Variants in ST3GAL6 observed in about 807,000 individuals in gnomAD.
ST3GAL6 encodes type 2 lactosamine alpha-2,3-sialyltransferase.
ST3GAL6 carries 31 observed loss-of-function variants against 40.5 expected under a neutral mutation model. That is an observed-to-expected ratio of 0.77 (90% confidence interval 0.58 to 1.03). ST3GAL6 has a LOEUF of 1.03. Among genes scored for constraint, ST3GAL6 ranks in the 50% least tolerant of loss-of-function variants. The pLI, the probability that ST3GAL6 is intolerant of heterozygous loss-of-function variation, is 0.00. For synonymous variants in ST3GAL6, 129 were observed against 136.9 expected (o/e 0.94, Z 0.40); for missense variants, 357 against 393.2 (o/e 0.91, Z 0.78).
chr3:98,761,374 G>A (rs1221656342), upstream of ST3GAL6, among the ~76,000 whole-genome samples: 1 of 152,142 alleles, frequency 6.6e-6, no homozygotes, highest in African/African-American at 2.4e-5. Flanking sequence ...TTGGGAGGCC[G>A]AGGTGGGTGG....
chr3:98,735,604 A>G (rs572882548), intron 1 of ST3GAL6, among the ~76,000 whole-genome samples: 1 of 152,310 alleles, frequency 6.6e-6, no homozygotes, highest in East Asian at 1.9e-4. Flanking sequence ...TACTCAAGCT[A>G]TATGTTACCT....
chr3:98,733,805 G>T (rs1232717052), intron 1 of ST3GAL6, among the ~76,000 whole-genome samples: 1 of 152,166 alleles, frequency 6.6e-6, no homozygotes, highest in Non-Finnish European at 1.5e-5. Context: ...TCAGTAGCGA[G>T]GGTTGGCGGG....
chr3:98,756,320 G>A (rs1049162551), intron 1 of ST3GAL6: 6 of 1,274,456 alleles, frequency 4.7e-6, no homozygotes, highest in African/African-American at 1.5e-5. Context: ...ATTTTTCTGG[G>A]GCAGCTGAAC....
chr3:98,775,858 T>A (rs1939499457), intron 5 of ST3GAL6, among the ~76,000 whole-genome samples: 1 of 152,170 alleles, frequency 6.6e-6, no homozygotes, highest in Non-Finnish European at 1.5e-5. Flanking sequence ...GAGGAGGGAT[T>A]GAAAATCATG....
At chr3:98,793,305 G>T (rs1941362799) in intron 9 of ST3GAL6, among the ~76,000 whole-genome samples, 1 of 152,164 alleles carries the variant, frequency 6.6e-6, no homozygotes, top group South Asian at 2.1e-4. Context: ...CATTATAATA[G>T]TTTATCTCCA....
At chr3:98,743,166 C>A (rs906086549) in intron 1 of ST3GAL6, among the ~76,000 whole-genome samples, 1 of 151,798 alleles carries the variant, frequency 6.6e-6, no homozygotes, top group Non-Finnish European at 1.5e-5. Flanking sequence ...AGCCACTATG[C>A]CTGGCTCATT....
intron 1 of ST3GAL6, among the ~76,000 whole-genome samples, chr3:98,767,214 C>T (rs1428020501): frequency 6.6e-6 from 1 of 152,148 alleles, no homozygotes; most frequent in Non-Finnish European, 1.5e-5. Flanking sequence ...TAGCAAATAG[C>T]CCCACACACC....
At chr3:98,792,830 AT>A (rs1236480466) in intron 9 of ST3GAL6, among the ~76,000 whole-genome samples, 1 of 151,888 alleles carries the variant, frequency 6.6e-6, no homozygotes, top group Non-Finnish European at 1.5e-5. Context: ...AGGATTTGTA[AT>A]TTACTTGACT....
In ST3GAL6 at chr3:98,783,592, C is replaced by G. The variant is rs540604036; in HGVS notation, c.336-1353C>G. On this transcript the variant is annotated intron_variant, in intron 5 of 9. Coordinates refer to ENST00000483910, the MANE Select transcript of ST3GAL6 (RefSeq NM_001323368.2). ...CCAGAAAAAAGAAATAAAAAAAATGCAAAGAAAATTTAAATGAACAAACAG... is the reference window on the plus strand; with the variant it reads ...CCAGAAAAAAGAAATAAAAAAAATGGAAAGAAAATTTAAATGAACAAACAG... 9.8e-4 allele frequency: 966 copies of G among 984,316 alleles called. 1 individual carries two copies. The highest frequency in any genetic ancestry group is 1.1e-3 in the Non-Finnish European group (915 of 829,022). 61.0% of individuals were successfully genotyped at this position (984,316 alleles called of 1,614,324 possible).
At chr3:98,774,997 G>T (rs1032827450) in intron 5 of ST3GAL6, among the ~76,000 whole-genome samples, 1 of 152,096 alleles carries the variant, frequency 6.6e-6, no homozygotes, top group Non-Finnish European at 1.5e-5. Context: ...AATTTATGTA[G>T]CTCTGATTTG....
chr3:98,748,757 C>T (rs746784871), intron 1 of ST3GAL6, among the ~76,000 whole-genome samples: 9 of 152,194 alleles, frequency 5.9e-5, no homozygotes, highest in African/African-American at 1.4e-4. Flanking sequence ...TGAGCCACCG[C>T]GCCTGGCCTG....
intron 1 of ST3GAL6, among the ~76,000 whole-genome samples, chr3:98,741,021 G>A (rs1475554335): frequency 6.6e-6 from 1 of 151,262 alleles, no homozygotes; most frequent in African/African-American, 2.4e-5. Flanking sequence ...CTATTATAAA[G>A]GGATCCATGG....
intron 1 of ST3GAL6, among the ~76,000 whole-genome samples, chr3:98,747,317 C>A (rs2107317584): frequency 6.6e-6 from 1 of 152,262 alleles, no homozygotes; most frequent in East Asian, 1.9e-4. Context: ...AACTGGAAAT[C>A]TTTTTCTGTT....
chr3:98,744,127 A>T (rs1417065925), intron 1 of ST3GAL6, among the ~76,000 whole-genome samples: 8 of 152,206 alleles, frequency 5.3e-5, no homozygotes, highest in African/African-American at 1.9e-4. Flanking sequence ...AAGCCAAGGA[A>T]TGCCCAAGAT....
chr3:98,791,763 T>C lies in ST3GAL6; in HGVS notation c.757-78T>C, dbSNP rs1576138130. 6.9e-6 allele frequency: 9 copies of C among 1,313,634 alleles called. No individual in the cohort carries two copies. The East Asian group carries it at 2.1e-4, about 30-fold the overall frequency. 81.4% of individuals were successfully genotyped at this position (1,313,634 alleles called of 1,614,324 possible). On this transcript the variant is annotated intron_variant, in intron 8 of 9. Transcript: ENST00000483910. ...AATGTTTAGAAATCCCTGTTTTATATGATTCAGCCAACCAAATATGCTTTG... is the reference window on the plus strand; with the variant it reads ...AATGTTTAGAAATCCCTGTTTTATACGATTCAGCCAACCAAATATGCTTTG...
intron 6 of ST3GAL6, among the ~76,000 whole-genome samples, chr3:98,785,707 A>C (rs1384784084): frequency 6.6e-6 from 1 of 152,230 alleles, no homozygotes; most frequent in African/African-American, 2.4e-5. Flanking sequence ...GAAGCTTTTT[A>C]AGGGTTTTAA....
upstream of ST3GAL6, among the ~76,000 whole-genome samples, chr3:98,762,388 T>C (rs186333500): frequency 1.3e-5 from 2 of 152,382 alleles, no homozygotes; most frequent in African/African-American, 4.8e-5. Context: ...AGAGTTTTTT[T>C]CTTAACTTGT....
upstream of ST3GAL6, among the ~76,000 whole-genome samples, chr3:98,760,324 C>G (rs1246593162): frequency 6.6e-6 from 1 of 152,208 alleles, no homozygotes; most frequent in African/African-American, 2.4e-5. Flanking sequence ...AGCTGAGACT[C>G]TGCAGCTCTA....
At position 98,770,933 on chromosome 3, in the gene ST3GAL6, G is replaced by C; in HGVS notation, c.144G>C (p.Lys48Asn). 6.2e-7 allele frequency: 1 copy of C among 1,614,070 alleles called. No individual in the cohort carries two copies. Among genetic ancestry groups the C allele is most frequent in the Non-Finnish European group, 8.5e-7 (1 of 1,179,974 alleles). The change falls in exon 3 of 10, where the codon AAG (lysine) becomes AAC (asparagine). Residue 48 changes from lysine (K) to asparagine (N), a missense_variant. Lys to Asn is a moderately conservative substitution (Grantham distance 94). Coordinates refer to ENST00000483910, the MANE Select transcript of ST3GAL6 (RefSeq NM_001323368.2). ...ATAAGATCCAGCCTTGTTTATCAAAGCCAGCTTTTGCCTCTCTGCTGAGGT... is the reference window on the plus strand; with the variant it reads ...ATAAGATCCAGCCTTGTTTATCAAACCCAGCTTTTGCCTCTCTGCTGAGGT... ...RRNKIQPCLS[K>N]PAFASLLRFH...
Sources: allele counts gnomAD v4.1 joint callset (sites outside exome capture counted in the v4.1 genomes callset), GRCh38; gene constraint gnomAD v4.1.1; transcripts MANE v1.5; gene names NCBI Gene and HGNC (gene_info 2026-07-23, HGNC 2026-07-21).